FBXO36: variants seen among roughly 807,000 people sequenced by gnomAD.
FBXO36 encodes F-box only protein 36.
FBXO36 carries 18 observed loss-of-function variants against 17.0 expected under a neutral mutation model. The observed-to-expected ratio is 1.06, with a 90% CI of 0.73 to 1.57. FBXO36 has a LOEUF of 1.57. FBXO36 is among the 40% of genes most tolerant of loss of function. The probability of loss-of-function intolerance (pLI) is 0.00; values close to 1 mark genes in which losing one functional copy is unlikely to be tolerated. For synonymous variants in FBXO36, 83 were observed against 85.3 expected (o/e 0.97, Z 0.15); for missense variants, 229 against 221.9 (o/e 1.03, Z -0.20).
At position 229,922,524 on chromosome 2, in the gene FBXO36, G is replaced by A. The variant is rs749345823; in HGVS notation, c.11G>A (p.Trp4Ter). The A allele has an allele frequency of 5.0e-6, 8 of 1,613,922 alleles. No homozygotes were observed. Among genetic ancestry groups the A allele is most frequent in the South Asian group, 1.1e-5 (1 of 91,074 alleles). Residue 4 changes from tryptophan (W) to a stop codon, truncating the protein, a stop_gained, in exon 1 of 4, where the codon TGG (tryptophan) becomes TAG (stop). Transcript: ENST00000283946. LOFTEE classifies it high-confidence loss of function. MAS[W>*]LPETLFETVG... is the part of the protein sequence containing the mutation. ...CGGTGGCGTCCCAAGATGGCGTCGT[G>A]GCTGCCGGAGACTCTCTTTGAAACT... is the stretch of plus-strand genomic sequence containing the variant.
intron 1 of FBXO36, among the ~76,000 whole-genome samples, chr2:229,972,883 G>A (rs1217040812): frequency 6.6e-6 from 1 of 151,598 alleles, no homozygotes; most frequent in Non-Finnish European, 1.5e-5. Context: ...CCAACATGGT[G>A]AAACCCTGTC....
At chr2:229,957,570 G>A (rs1329100223) in intron 1 of FBXO36, among the ~76,000 whole-genome samples, 3 of 152,152 alleles carry the variant, frequency 2.0e-5, no homozygotes, top group Admixed American at 1.3e-4. Context: ...GAGTGTGACT[G>A]TCTCCAAAAC....
chr2:229,987,443 T>A (rs1235187019), intron 2 of FBXO36, among the ~76,000 whole-genome samples: 1 of 152,082 alleles, frequency 6.6e-6, no homozygotes, highest in East Asian at 1.9e-4. Context: ...GCCAGGGGTT[T>A]ACTTCATTCA....
chr2:229,941,877 G>A (rs2077001232), intron 1 of FBXO36, among the ~76,000 whole-genome samples: 1 of 152,096 alleles, frequency 6.6e-6, no homozygotes, highest in African/African-American at 2.4e-5. Context: ...TTGGCCGGGT[G>A]TGGTGGCGCA....
rs2077413993 is a variant in FBXO36 at position 230,011,242 on chromosome 2, A to G, written c.*358A>G. On this transcript the variant is annotated 3_prime_UTR_variant, in exon 4 of 4. Coordinates refer to ENST00000283946, the MANE Select transcript of FBXO36 (RefSeq NM_174899.5). ...TATTAGACATCTATTTTATCTAGGCATTAGAAAGGGTAATGGGGCTTTTGA... is the reference window on the plus strand; with the variant it reads ...TATTAGACATCTATTTTATCTAGGCGTTAGAAAGGGTAATGGGGCTTTTGA... The G allele has an allele frequency of 6.3e-6, 1 of 159,894 alleles. No homozygotes were observed. Among genetic ancestry groups the G allele is most frequent in the South Asian group, 1.9e-4 (1 of 5,216 alleles). 9.9% of individuals were successfully genotyped at this position (159,894 alleles called of 1,614,324 possible). A position where few individuals can be genotyped will look rare whatever the true frequency, so the allele number is the denominator to read the frequency against.
At chr2:229,941,665 C>T (rs2076999339) in intron 1 of FBXO36, among the ~76,000 whole-genome samples, 1 of 151,888 alleles carries the variant, frequency 6.6e-6, no homozygotes, top group South Asian at 2.1e-4. Context: ...GGATTTGTTA[C>T]TCTCACTCGA....
At chr2:229,948,386 G>A (rs183363175) in intron 1 of FBXO36, among the ~76,000 whole-genome samples, 73 of 152,274 alleles carry the variant, frequency 4.8e-4, no homozygotes, top group Non-Finnish European at 8.8e-4. Context: ...GGCCTCCTCT[G>A]TGTGATGTCC....
At chr2:230,002,978 C>T (rs1292010277) in intron 3 of FBXO36, among the ~76,000 whole-genome samples, 6 of 151,722 alleles carry the variant, frequency 4.0e-5, no homozygotes, top group African/African-American at 9.7e-5. Context: ...TTTGGGAGGC[C>T]GAGGCGGATG....
chr2:229,996,955 A>G (rs777618847), intron 3 of FBXO36, 32 bp downstream of exon 3: 3 of 1,578,822 alleles, frequency 1.9e-6, no homozygotes, highest in Non-Finnish European at 2.6e-6. Flanking sequence ...TCTATATAGA[A>G]TTTTCCATGT....
At chr2:229,949,008 AT>A (rs1260969684) in intron 1 of FBXO36, among the ~76,000 whole-genome samples, 3 of 151,766 alleles carry the variant, frequency 2.0e-5, no homozygotes, top group Non-Finnish European at 2.9e-5. Flanking sequence ...TAATTTTTGT[AT>A]TTTTTAGTGG....
intron 1 of FBXO36, among the ~76,000 whole-genome samples, chr2:229,969,664 GGT>G (rs2077171689): frequency 6.6e-6 from 1 of 151,978 alleles, no homozygotes; most frequent in South Asian, 2.1e-4. Flanking sequence ...CTCCAGTCTG[GGT>G]GACAGAGACT....
At chr2:229,939,692 A>G (rs753133303) in intron 1 of FBXO36, among the ~76,000 whole-genome samples, 3 of 152,106 alleles carry the variant, frequency 2.0e-5, no homozygotes, top group South Asian at 2.1e-4. Context: ...CTGCTCCCCT[A>G]TTACTTACTG....
chr2:229,944,692 A>C (rs541120786), intron 1 of FBXO36, among the ~76,000 whole-genome samples: 1 of 145,922 alleles, frequency 6.9e-6, no homozygotes, highest in Admixed American at 7.2e-5. Flanking sequence ...TCCTGGGTTC[A>C]TACCATTCTC....
At chr2:230,004,245 C>A (rs570883148) in intron 3 of FBXO36, among the ~76,000 whole-genome samples, 1 of 152,290 alleles carries the variant, frequency 6.6e-6, no homozygotes, top group East Asian at 1.9e-4. Context: ...CTTGCCCCAC[C>A]CCCTTGACTT....
chr2:229,930,650 C>G (rs1175900119), intron 1 of FBXO36, among the ~76,000 whole-genome samples: 1 of 152,178 alleles, frequency 6.6e-6, no homozygotes, highest in Non-Finnish European at 1.5e-5. Context: ...ACTCAGGAGG[C>G]TGAGGCAGGA....
At chr2:229,927,163 G>A (rs1445668208) in intron 1 of FBXO36, among the ~76,000 whole-genome samples, 1 of 152,120 alleles carries the variant, frequency 6.6e-6, no homozygotes, top group African/African-American at 2.4e-5. Context: ...CCTGGCCAGG[G>A]CTAGAAAGAA....
chr2:229,953,002 T>C (rs1577337880), intron 1 of FBXO36, among the ~76,000 whole-genome samples: 1 of 152,220 alleles, frequency 6.6e-6, no homozygotes, highest in East Asian at 1.9e-4. Context: ...TGTTTTTCCC[T>C]GTTTACTGTG....
Position 230,010,889 on chromosome 2 carries a change from A to G in FBXO36, c.*5A>G. On this transcript the variant is annotated 3_prime_UTR_variant, in exon 4 of 4. Coordinates refer to ENST00000283946, the MANE Select transcript of FBXO36 (RefSeq NM_174899.5). ...CTGAGAGAAAAGCAACCTTAGGCAC[A>G]CATTTTCCTACCAGCAGGGAGCTCA... The G allele has an allele frequency of 6.3e-6, 10 of 1,599,954 alleles. No homozygotes were observed. Among genetic ancestry groups the G allele is most frequent in the Non-Finnish European group, 8.5e-6 (10 of 1,171,278 alleles).
At chr2:229,932,301 A>T (rs2076942794) in intron 1 of FBXO36, among the ~76,000 whole-genome samples, 1 of 151,756 alleles carries the variant, frequency 6.6e-6, no homozygotes, top group South Asian at 2.1e-4. Flanking sequence ...CGGATGGATC[A>T]CCTAAGGTCA....
Sources: gnomAD v4.1 joint callset for allele counts (sites outside exome capture counted in the v4.1 genomes callset) on GRCh38, gnomAD v4.1.1 for gene constraint, MANE v1.5 for transcripts, NCBI Gene and HGNC (gene_info 2026-07-23, HGNC 2026-07-21) for gene names.